SOX6: variants seen among roughly 807,000 people sequenced by gnomAD.
The protein encoded by SOX6 is SRY-box transcription factor 6.
In SOX6, 11 loss-of-function variants were observed where a neutral mutation model predicts 97.8. The observed-to-expected ratio is 0.11, with a 90% CI of 0.07 to 0.19. The LOEUF (loss-of-function observed/expected upper bound fraction) is 0.19, where lower values mean the gene tolerates loss of function less well. Ranked by LOEUF, SOX6 falls within the 10% of genes least tolerant of loss-of-function variation. The pLI is 1.00. For synonymous variants in SOX6, 360 were observed against 371.4 expected (o/e 0.97, Z 0.35); for missense variants, 810 against 1,039.5 (o/e 0.78, Z 3.04).
chr11:16,147,632 C>T (rs1360101240), intron 6 of SOX6, among the ~76,000 whole-genome samples: 2 of 152,150 alleles, frequency 1.3e-5, no homozygotes, highest in African/African-American at 2.4e-5. Flanking sequence ...CTTCCTTCCC[C>T]ATGTCCTGCT....
At chr11:16,484,743 T>G in intron 4 of SOX6, 1 of 452,098 alleles carries the variant, frequency 2.2e-6, no homozygotes, top group Non-Finnish European at 4.0e-6. Flanking sequence ...TTTAAAGCAA[T>G]GAAATAAGTT....
At chr11:16,639,314 G>A (rs1052115075) in intron 3 of SOX6, among the ~76,000 whole-genome samples, 13 of 152,152 alleles carry the variant, frequency 8.5e-5, no homozygotes, top group Non-Finnish European at 1.5e-4. Context: ...TTTAGTTACT[G>A]TAGCCTTGTA....
chr11:16,735,401 CCAAAATG>C (rs1446089745), intron 2 of SOX6, among the ~76,000 whole-genome samples: 1 of 152,122 alleles, frequency 6.6e-6, no homozygotes, highest in East Asian at 1.9e-4. Context: ...TTTCCCTCAG[CCAAAATG>C]AACTGTTCTA....
intron 3 of SOX6, among the ~76,000 whole-genome samples, chr11:16,244,198 A>G (rs80118127): frequency 0.015 from 2,227 of 151,872 alleles, 31 homozygotes; most frequent in African/African-American, 0.022. Context: ...TAGCACTTTA[A>G]TTTTGTCACC....
chr11:16,082,639 G>T (rs953702764), intron 9 of SOX6, among the ~76,000 whole-genome samples: 2 of 152,066 alleles, frequency 1.3e-5, no homozygotes, highest in African/African-American at 4.8e-5. Context: ...TTGCCACAGG[G>T]TACCATTGTA....
intron 6 of SOX6, among the ~76,000 whole-genome samples, chr11:16,170,165 G>C (rs1001070666): frequency 1.3e-5 from 2 of 151,966 alleles, no homozygotes; most frequent in African/African-American, 4.8e-5. Flanking sequence ...GTCAAGACCA[G>C]AGGAACAAAG....
chr11:16,152,559 A>G (rs1390320623), intron 6 of SOX6, among the ~76,000 whole-genome samples: 1 of 152,202 alleles, frequency 6.6e-6, no homozygotes, highest in African/African-American at 2.4e-5. Flanking sequence ...CCATTAATAC[A>G]GGCTACTGAT....
chr11:16,050,990 T>A (rs1847672376), intron 10 of SOX6, among the ~76,000 whole-genome samples: 1 of 152,022 alleles, frequency 6.6e-6, no homozygotes, highest in African/African-American at 2.4e-5. Flanking sequence ...TAACAGAACA[T>A]TTTCCCCCTT....
Position 16,188,612 on chromosome 11 carries a change from G to T in SOX6, c.536-1657C>A, listed in dbSNP as rs541617873. 4.6e-5 allele frequency among the ~76,000 whole-genome samples: 7 copies of T among 152,150 alleles called. No individual in the cohort carries two copies. The East Asian group carries it at 1.2e-3, about 25-fold the overall frequency. ...ACAGGAATGAGAAAATACAACACAA[G>T]AATGATATTTTTTAAATTTACATAT... On this transcript the variant is annotated intron_variant, in intron 4 of 15. Coordinates refer to ENST00000683767, the MANE Select transcript of SOX6 (RefSeq NM_001367873.1).
At chr11:16,423,530 G>A (rs1228443358) in intron 1 of SOX6, among the ~76,000 whole-genome samples, 1 of 152,096 alleles carries the variant, frequency 6.6e-6, no homozygotes, top group Non-Finnish European at 1.5e-5. Context: ...GAACAAATGA[G>A]TGACCACTGC....
At chr11:16,391,270 T>A (rs1259797600) in intron 1 of SOX6, among the ~76,000 whole-genome samples, 1 of 152,102 alleles carries the variant, frequency 6.6e-6, no homozygotes, top group African/African-American at 2.4e-5. Context: ...CAAACCACCA[T>A]GGCACGTGTA....
At chr11:16,623,014 A>G (rs1007446508) in intron 3 of SOX6, among the ~76,000 whole-genome samples, 2 of 151,872 alleles carry the variant, frequency 1.3e-5, no homozygotes, top group African/African-American at 2.4e-5. Flanking sequence ...TTCCCTGGTC[A>G]TTAGTGATGT....
chr11:16,154,924 T>G (rs1850558277), intron 6 of SOX6, among the ~76,000 whole-genome samples: 1 of 152,088 alleles, frequency 6.6e-6, no homozygotes, highest in Non-Finnish European at 1.5e-5. Context: ...TATTCATGCA[T>G]TCCTCATTTA....
chr11:16,126,639 T>C (rs1849620639), intron 6 of SOX6, among the ~76,000 whole-genome samples: 2 of 152,134 alleles, frequency 1.3e-5, no homozygotes, highest in Admixed American at 1.3e-4. Flanking sequence ...CAGCAATCTC[T>C]GACAAAGCAG....
Position 16,440,955 on chromosome 11 carries a change from C to T in SOX6, c.-5+35360G>A, listed in dbSNP as rs943759622. Among the ~76,000 whole-genome samples, 3 of 152,066 alleles carry T rather than the reference C, an allele frequency of 2.0e-5. No individual in the cohort carries two copies. In the South Asian group the frequency reaches 6.2e-4, roughly 32 times the overall value. On this transcript the variant is annotated intron_variant, in intron 1 of 15. Transcript: ENST00000396356. ...AATGAAAAATGACTTTTTCATACTG[C>T]CTGTCAAATTGGAGTGAAACTACTA... is the stretch of plus-strand genomic sequence containing the variant.
At chr11:16,047,121 G>C (rs933139292) in intron 11 of SOX6, among the ~76,000 whole-genome samples, 1 of 152,104 alleles carries the variant, frequency 6.6e-6, no homozygotes, top group Non-Finnish European at 1.5e-5. Context: ...ACCCATTATA[G>C]TTGCTGTGAT....
intron 4 of SOX6, among the ~76,000 whole-genome samples, chr11:16,519,245 C>T (rs920935189): frequency 6.6e-6 from 1 of 151,992 alleles, no homozygotes; most frequent in Non-Finnish European, 1.5e-5. Flanking sequence ...AGATTTGTCA[C>T]CTGAGTATAT....
intron 1 of SOX6, among the ~76,000 whole-genome samples, chr11:16,390,966 G>T (rs1409711523): frequency 6.6e-6 from 1 of 152,122 alleles, no homozygotes; most frequent in Non-Finnish European, 1.5e-5. Flanking sequence ...TGATACACTG[G>T]ATTAAGAAAA....
In SOX6 at chr11:16,278,197, T is replaced by C. The variant is rs1415002806; in HGVS notation, c.445+40249A>G. Among the ~76,000 whole-genome samples the C allele has an allele frequency of 2.0e-5, 3 of 152,292 alleles. No individual in the cohort carries two copies. The East Asian group carries it at 5.8e-4, about 29-fold the overall frequency. On this transcript the variant is annotated intron_variant, in intron 3 of 15. Coordinates refer to ENST00000683767, the MANE Select transcript of SOX6 (RefSeq NM_001367873.1). Reference sequence around the variant, plus strand: ...TATTTAGCCTAGCTTACTTCCAAAATGCCAAATAACGTTTTTTTAATTTTT... The same window carrying C: ...TATTTAGCCTAGCTTACTTCCAAAACGCCAAATAACGTTTTTTTAATTTTT...
Sources: gnomAD v4.1 joint callset for allele counts (sites outside exome capture counted in the v4.1 genomes callset) on GRCh38, gnomAD v4.1.1 for gene constraint, MANE v1.5 for transcripts, NCBI Gene and HGNC (gene_info 2026-07-23, HGNC 2026-07-21) for gene names.